The following ANKFN1 variants were observed in gnomAD, a reference collection of about 807,000 sequenced individuals.
The protein encoded by ANKFN1 is ankyrin repeat and fibronectin type-III domain-containing protein 1.
A neutral mutation model predicts 108.7 loss-of-function variants in ANKFN1; 74 were observed. That is an observed-to-expected ratio of 0.68 (90% confidence interval 0.56 to 0.83). ANKFN1 has a LOEUF of 0.83. Ranked by LOEUF, ANKFN1 falls within the 40% of genes least tolerant of loss-of-function variation. The pLI is 0.00. For missense variants in ANKFN1, 1,505 were observed against 1,382.3 expected (o/e 1.09, Z -1.41); for synonymous variants, 547 against 516.2 (o/e 1.06, Z -0.81).
intron 3 of ANKFN1, among the ~76,000 whole-genome samples, chr17:56,297,473 C>T (rs1336212232): frequency 1.3e-5 from 2 of 152,186 alleles, no homozygotes; most frequent in Non-Finnish European, 2.9e-5. Context: ...AAAGGTTTAT[C>T]AAGCAGCTTC....
chr17:56,250,701 C>A (rs1462045541), intron 3 of ANKFN1, among the ~76,000 whole-genome samples: 1 of 152,060 alleles, frequency 6.6e-6, no homozygotes, highest in Non-Finnish European at 1.5e-5. Context: ...GGTGTTCAGC[C>A]CAAGGTTTCC....
rs1388958583 is a variant in ANKFN1 at position 56,391,249 on chromosome 17, GTA to G, written c.910+16537_910+16538del. Among the ~76,000 whole-genome samples the G allele has an allele frequency of 3.4e-4, 8 of 23,260 alleles. No individual in the cohort carries two copies. In the Admixed American group the frequency reaches 5.5e-3, roughly 16 times the overall value. The allele number at this position is 23,260 out of a possible 152,430, so 15.3% of individuals were successfully genotyped here. On this transcript the variant is annotated intron_variant, in intron 8 of 20. Transcript: ENST00000682825. ...TATATATATATATATATATATATAT[GTA>G]TGTGTGTGTGTGTGTGTACATATAT...
At chr17:56,433,296 C>G in intron 8 of ANKFN1, among the ~76,000 whole-genome samples, 1 of 151,938 alleles carries the variant, frequency 6.6e-6, no homozygotes, top group East Asian at 1.9e-4. Context: ...GGAAGTAAAA[C>G]AAAAAGCAAC....
chr17:56,137,567 A>G (rs1053911105), intron 4 of ANKFN1, among the ~76,000 whole-genome samples: 2 of 152,164 alleles, frequency 1.3e-5, no homozygotes, highest in African/African-American at 4.8e-5. Flanking sequence ...GATATTGCCT[A>G]TCAAGGGTAG....
chr17:56,296,609 A>G (rs1255869382), intron 3 of ANKFN1, among the ~76,000 whole-genome samples: 1 of 152,022 alleles, frequency 6.6e-6, no homozygotes, highest in African/African-American at 2.4e-5. Flanking sequence ...ACTTGAACCC[A>G]GGAGTCGGAG....
At chr17:56,489,894 G>T (rs1357033519) in intron 18 of ANKFN1, among the ~76,000 whole-genome samples, 1 of 152,002 alleles carries the variant, frequency 6.6e-6, no homozygotes, top group Non-Finnish European at 1.5e-5. Context: ...AAGCTAAAAA[G>T]TCATTGAGAT....
At chr17:56,320,926 A>G (rs551749556) in intron 3 of ANKFN1, among the ~76,000 whole-genome samples, 1 of 152,252 alleles carries the variant, frequency 6.6e-6, no homozygotes, top group Admixed American at 6.5e-5. Flanking sequence ...CGTCTCCAAG[A>G]CTTAGAGAAA....
intron 8 of ANKFN1, among the ~76,000 whole-genome samples, chr17:56,395,925 C>G (rs1019981961): frequency 1.3e-5 from 2 of 152,270 alleles, no homozygotes; most frequent in East Asian, 3.9e-4. Flanking sequence ...GCGTCTAACT[C>G]ACTTTTGCAT....
chr17:56,128,577 G>A (rs1210194762), intron 4 of ANKFN1, among the ~76,000 whole-genome samples: 1 of 152,152 alleles, frequency 6.6e-6, no homozygotes, highest in African/African-American at 2.4e-5. Flanking sequence ...TTCCATCTCT[G>A]CGTCACTGGT....
Position 56,457,825 on chromosome 17 carries a change from G to A in ANKFN1, c.1441-38G>A, listed in dbSNP as rs757431332. ...ATGCCACAACCTAAATCATGTACTGGCTTGGACGATGACATGATTGCATGC... is the reference window on the plus strand; with the variant it reads ...ATGCCACAACCTAAATCATGTACTGACTTGGACGATGACATGATTGCATGC... On this transcript the variant is annotated intron_variant, in intron 13 of 20. Transcript: ENST00000682825. 7 of 1,502,994 alleles carry A rather than the reference G, an allele frequency of 4.7e-6. No homozygotes were observed. The African/African-American group carries it at 8.3e-5, about 18-fold the overall frequency. The allele number at this position is 1,502,994 out of a possible 1,614,324, so 93.1% of individuals were successfully genotyped here. A position where few individuals can be genotyped will look rare whatever the true frequency, so the allele number is the denominator to read the frequency against.
intron 18 of ANKFN1, among the ~76,000 whole-genome samples, chr17:56,488,659 A>C (rs2050932584): frequency 1.3e-5 from 2 of 152,186 alleles, no homozygotes; most frequent in African/African-American, 4.8e-5. Flanking sequence ...ACTACTAGGA[A>C]TCTTTAGAGG....
intron 8 of ANKFN1, among the ~76,000 whole-genome samples, chr17:56,415,170 C>T (rs2048206320): frequency 6.6e-6 from 1 of 152,162 alleles, no homozygotes; most frequent in Admixed American, 6.5e-5. Context: ...CAAGGATGCC[C>T]ACTGTTATTC....
intron 19 of ANKFN1, among the ~76,000 whole-genome samples, chr17:56,495,888 A>C (rs2145433307): frequency 6.6e-6 from 1 of 152,288 alleles, no homozygotes; most frequent in Non-Finnish European, 1.5e-5. Flanking sequence ...CTGAGTAAAG[A>C]GAAAGGAATA....
chr17:56,063,634 G>C (rs1905013917), intron 4 of ANKFN1, among the ~76,000 whole-genome samples: 1 of 151,800 alleles, frequency 6.6e-6, no homozygotes, highest in South Asian at 2.1e-4. Flanking sequence ...GGTTACTGTA[G>C]TTAGCAGTTC....
At chr17:56,459,139 C>T (rs1247115813) in intron 14 of ANKFN1, among the ~76,000 whole-genome samples, 3 of 151,996 alleles carry the variant, frequency 2.0e-5, no homozygotes, top group South Asian at 2.1e-4. Flanking sequence ...GGAATGGAAT[C>T]TCTCTCTGTC....
At chr17:56,115,343 G>T (rs2143270112) in intron 4 of ANKFN1, among the ~76,000 whole-genome samples, 1 of 152,256 alleles carries the variant, frequency 6.6e-6, no homozygotes, top group Non-Finnish European at 1.5e-5. Context: ...TAAAGTGAAT[G>T]AAGCAGATCT....
At chr17:56,173,356 A>G (rs1187643833) in intron 1 of ANKFN1, among the ~76,000 whole-genome samples, 2 of 152,022 alleles carry the variant, frequency 1.3e-5, no homozygotes, top group Non-Finnish European at 2.9e-5. Flanking sequence ...CACCATATTC[A>G]AGTATGTGCT....
intron 20 of ANKFN1, among the ~76,000 whole-genome samples, chr17:56,503,483 T>G: frequency 1.5e-5 from 1 of 66,826 alleles, no homozygotes. Flanking sequence ...GAAGCACAAA[T>G]TTCATATATA....
At chr17:56,477,747 C>T in intron 16 of ANKFN1, 93 bp downstream of exon 16, 1 of 1,425,846 alleles carries the variant, frequency 7.0e-7, no homozygotes, top group Non-Finnish European at 9.6e-7. Context: ...GTGTTACTTC[C>T]AGGGCAGTTT....
Sources: gnomAD v4.1 joint callset for allele counts (sites outside exome capture counted in the v4.1 genomes callset) on GRCh38, gnomAD v4.1.1 for gene constraint, MANE v1.5 for transcripts, NCBI Gene and HGNC (gene_info 2026-07-23, HGNC 2026-07-21) for gene names.